Variants in LDLRAD4 observed in about 807,000 individuals in gnomAD.
LDLRAD4 encodes the protein low-density lipoprotein receptor class A domain-containing protein 4.
A neutral mutation model predicts 17.0 loss-of-function variants in LDLRAD4; 5 were observed. The ratio of observed to expected loss-of-function variants is 0.29; its 90% CI spans 0.15 to 0.62. LDLRAD4 has a LOEUF of 0.62. Among genes scored for constraint, LDLRAD4 ranks in the 20% least tolerant of loss-of-function variants. The pLI is 0.84. For synonymous variants in LDLRAD4, 168 were observed against 171.8 expected (o/e 0.98, Z 0.17); for missense variants, 340 against 424.7 (o/e 0.80, Z 1.75).
chr18:13,581,706 T>G (rs2094861083), intron 3 of LDLRAD4, among the ~76,000 whole-genome samples: 1 of 152,168 alleles, frequency 6.6e-6, no homozygotes, highest in Non-Finnish European at 1.5e-5. Context: ...AAAATACAAA[T>G]TGCAAGCCTG....
chr18:13,417,146 T>C (rs748709395), intron 2 of LDLRAD4, among the ~76,000 whole-genome samples: 45 of 152,328 alleles, frequency 3.0e-4, no homozygotes, highest in Non-Finnish European at 4.7e-4. Context: ...GATAATCCTG[T>C]GGGGAATGGC....
intron 3 of LDLRAD4, among the ~76,000 whole-genome samples, chr18:13,518,400 G>C (rs976599046): frequency 6.6e-6 from 1 of 152,030 alleles, no homozygotes; most frequent in African/African-American, 2.4e-5. Flanking sequence ...TTTTCAAATG[G>C]GATTGTCATT....
chr18:13,346,196 G>T (rs1229718844), intron 1 of LDLRAD4, among the ~76,000 whole-genome samples: 1 of 152,038 alleles, frequency 6.6e-6, no homozygotes, highest in Non-Finnish European at 1.5e-5. Context: ...AGATCTTCCT[G>T]CTTTCTCTTG....
chr18:13,377,777 A>G (rs1001481226), intron 1 of LDLRAD4, among the ~76,000 whole-genome samples: 4 of 152,212 alleles, frequency 2.6e-5, no homozygotes, highest in Non-Finnish European at 5.9e-5. Flanking sequence ...TTGAGCCTAC[A>G]TTAAGTTGCA....
rs536448263 is a variant in LDLRAD4 at position 13,459,895 on chromosome 18, A to T, written c.181+21511A>T. 2.9e-4 allele frequency: 44 copies of T among 154,230 alleles called. No homozygotes were observed. The South Asian group carries it at 7.9e-3, about 28-fold the overall frequency. 9.6% of individuals were successfully genotyped at this position (154,230 alleles called of 1,614,324 possible). A position where few individuals can be genotyped will look rare whatever the true frequency, so the allele number is the denominator to read the frequency against. The stretch of plus-strand genomic sequence containing the variant: ...AGTATATGAATCGTAGCCTAGTCTC[A>T]TCGTTAGAGGTGCATAAACTCAAGG... On this transcript the variant is annotated intron_variant, in intron 3 of 5. Coordinates refer to ENST00000359446, the Ensembl canonical transcript of LDLRAD4.
intron 5 of LDLRAD4, chr18:13,644,752 C>CATTA: frequency 5.0e-6 from 1 of 201,168 alleles, no homozygotes; most frequent in Admixed American, 5.5e-5. Flanking sequence ...GTGACCAGAT[C>CATTA]CAAGTGCAGG....
chr18:13,512,471 G>A (rs1448695896), intron 3 of LDLRAD4, among the ~76,000 whole-genome samples: 1 of 152,024 alleles, frequency 6.6e-6, no homozygotes. Context: ...TGGGTGTTGA[G>A]TTCTTTTCAA....
At chr18:13,239,701 A>C (rs530199862) in intron 1 of LDLRAD4, 1 of 152,366 alleles carries the variant, frequency 6.6e-6, no homozygotes, top group African/African-American at 2.4e-5. Flanking sequence ...CACAGTGTGG[A>C]CTGGGGACCA....
intron 3 of LDLRAD4, among the ~76,000 whole-genome samples, chr18:13,597,959 T>C (rs1195415748): frequency 6.6e-6 from 1 of 152,246 alleles, no homozygotes; most frequent in African/African-American, 2.4e-5. Flanking sequence ...ATTGTTTCCT[T>C]GATTTCTTTG....
intron 1 of LDLRAD4, among the ~76,000 whole-genome samples, chr18:13,363,182 A>C (rs2083795929): frequency 6.6e-6 from 1 of 151,990 alleles, no homozygotes. Flanking sequence ...TACAAAAAAA[A>C]TTAGCCAGGC....
At chr18:13,374,915 C>T (rs1219676217) in intron 1 of LDLRAD4, among the ~76,000 whole-genome samples, 1 of 152,206 alleles carries the variant, frequency 6.6e-6, no homozygotes, top group Non-Finnish European at 1.5e-5. Flanking sequence ...TAGGTGCCGT[C>T]TGCAGCCCCA....
chr18:13,643,909 C>T (rs116764670), intron 5 of LDLRAD4, among the ~76,000 whole-genome samples: 4 of 151,746 alleles, frequency 2.6e-5, no homozygotes, highest in African/African-American at 4.8e-5. Context: ...TGCATATATG[C>T]GTGTGTGTGT....
At chr18:13,254,995 C>A (rs1294389665) in intron 1 of LDLRAD4, among the ~76,000 whole-genome samples, 1 of 152,178 alleles carries the variant, frequency 6.6e-6, no homozygotes, top group African/African-American at 2.4e-5. Context: ...AAACCCAATT[C>A]TTCTTGTTTA....
At chr18:13,380,143 A>G (rs1384352287) in intron 1 of LDLRAD4, among the ~76,000 whole-genome samples, 1 of 152,200 alleles carries the variant, frequency 6.6e-6, no homozygotes, top group African/African-American at 2.4e-5. Context: ...CCGGGCTCAG[A>G]CCAGAATGCA....
At chr18:13,219,608 A>G (rs1290101714) in intron 1 of LDLRAD4, among the ~76,000 whole-genome samples, 1 of 152,156 alleles carries the variant, frequency 6.6e-6, no homozygotes, top group East Asian at 1.9e-4. Context: ...TTAGTAAGTT[A>G]TTTGCAGTAG....
chr18:13,482,270 G>A (rs913678046), intron 3 of LDLRAD4, among the ~76,000 whole-genome samples: 38 of 152,144 alleles, frequency 2.5e-4, no homozygotes, highest in Admixed American at 9.2e-4. Flanking sequence ...CCTCACCCCC[G>A]ACTTTCAGAT....
intron 1 of LDLRAD4, chr18:13,362,725 G>C (rs756916725): frequency 6.6e-6 from 1 of 152,228 alleles, no homozygotes; most frequent in Admixed American, 6.5e-5. Context: ...GGAAGACAAA[G>C]ATGATAAACG....
At chr18:13,389,238 T>A (rs114368664) in intron 2 of LDLRAD4, among the ~76,000 whole-genome samples, 2,574 of 152,110 alleles carry the variant, frequency 0.017, 84 homozygotes, top group African/African-American at 0.059. Flanking sequence ...AGCTCCCTCG[T>A]GGATACTCCT....
chr18:13,281,707 C>T (rs2045288820), intron 1 of LDLRAD4, among the ~76,000 whole-genome samples: 1 of 152,160 alleles, frequency 6.6e-6, no homozygotes, highest in African/African-American at 2.4e-5. Flanking sequence ...CCCTTGGCTT[C>T]TGAAAGAGTT....
Sources: gnomAD v4.1 joint callset for allele counts (sites outside exome capture counted in the v4.1 genomes callset) on GRCh38, gnomAD v4.1.1 for gene constraint, MANE v1.5 for transcripts, NCBI Gene and HGNC (gene_info 2026-07-23, HGNC 2026-07-21) for gene names.